The following GRM8 variants were observed in gnomAD, a reference collection of about 807,000 sequenced individuals.
GRM8 encodes glutamate metabotropic receptor 8, also known as metabotropic glutamate receptor 8.
Under a neutral mutation model 87.2 loss-of-function variants are expected in GRM8, and 47 were observed. The ratio of observed to expected loss-of-function variants is 0.54; its 90% confidence interval spans 0.43 to 0.69. GRM8 has a LOEUF of 0.69. Ranked by LOEUF, GRM8 falls within the 30% of genes least tolerant of loss-of-function variation. The probability of loss-of-function intolerance (pLI) is 0.00; values close to 1 mark genes in which losing one functional copy is unlikely to be tolerated. For missense variants in GRM8, 1,019 were observed against 1,139.2 expected (o/e 0.89, Z 1.52); for synonymous variants, 396 against 404.5 (o/e 0.98, Z 0.25).
chr7:126,618,152 C>A (rs1799725540), intron 7 of GRM8, among the ~76,000 whole-genome samples: 1 of 152,150 alleles, frequency 6.6e-6, no homozygotes, highest in Non-Finnish European at 1.5e-5. Context: ...GTAACCAAAA[C>A]AGCATGGTAC....
chr7:126,525,056 A>T (rs1253186809), intron 9 of GRM8, among the ~76,000 whole-genome samples: 4 of 152,040 alleles, frequency 2.6e-5, no homozygotes, highest in Non-Finnish European at 5.9e-5. Context: ...TAATCCTGCC[A>T]TCCTTAGCTG....
chr7:127,221,837 T>C (rs775273472), intron 2 of GRM8, among the ~76,000 whole-genome samples: 4 of 152,054 alleles, frequency 2.6e-5, no homozygotes, highest in Non-Finnish European at 5.9e-5. Flanking sequence ...GAATATCCCT[T>C]GTCCCTTCCA....
intron 3 of GRM8, chr7:127,058,292 A>T: frequency 2.7e-6 from 1 of 365,480 alleles, no homozygotes; most frequent in Non-Finnish European, 5.2e-6. Flanking sequence ...TTGGTAGGCG[A>T]GAACAGCAAC....
chr7:126,935,262 T>C (rs533466218), intron 3 of GRM8, among the ~76,000 whole-genome samples: 1 of 130,632 alleles, frequency 7.7e-6, no homozygotes, highest in South Asian at 2.4e-4. Context: ...GGGCTTTAGG[T>C]TGAAGAGGGA....
intron 7 of GRM8, among the ~76,000 whole-genome samples, chr7:126,661,903 T>C (rs565256621): frequency 0.076 from 1,188 of 15,558 alleles, 21 homozygotes; most frequent in African/African-American, 0.35. Flanking sequence ...TCACAGTGGC[T>C]TCACAAGTGG....
chr7:126,950,098 A>T (rs1329259689), intron 3 of GRM8, among the ~76,000 whole-genome samples: 1 of 152,204 alleles, frequency 6.6e-6, no homozygotes, highest in African/African-American at 2.4e-5. Flanking sequence ...AAGTACTTGG[A>T]AAACACTGCA....
intron 9 of GRM8, among the ~76,000 whole-genome samples, chr7:126,451,632 A>G (rs1453372224): frequency 1.3e-5 from 2 of 151,740 alleles, no homozygotes; most frequent in Non-Finnish European, 2.9e-5. Context: ...CATTGATTGT[A>G]TCTTGACAAT....
At chr7:127,095,388 G>T (rs1184571031) in intron 3 of GRM8, among the ~76,000 whole-genome samples, 1 of 152,178 alleles carries the variant, frequency 6.6e-6, no homozygotes, top group East Asian at 1.9e-4. Context: ...GTGATGCTGG[G>T]TAGGGGTGAT....
At chr7:126,673,779 A>C (rs1185012372) in intron 7 of GRM8, among the ~76,000 whole-genome samples, 1 of 152,168 alleles carries the variant, frequency 6.6e-6, no homozygotes, top group African/African-American at 2.4e-5. Flanking sequence ...GCATGTATTA[A>C]ATATAAAAGT....
intron 2 of GRM8, among the ~76,000 whole-genome samples, chr7:127,152,207 G>A (rs1329402414): frequency 1.3e-5 from 2 of 152,052 alleles, no homozygotes; most frequent in Admixed American, 6.6e-5. Context: ...ATCACTTAGT[G>A]AGTAAACTTG....
chr7:127,232,206 TGTGTGTGAGA>T (rs1797728939), intron 2 of GRM8, among the ~76,000 whole-genome samples: 1 of 147,110 alleles, frequency 6.8e-6, no homozygotes, highest in Non-Finnish European at 1.5e-5. Flanking sequence ...TGTGTGTGTG[TGTGTGTGAGA>T]GAGAGAGAGA....
chr7:126,469,230 C>T (rs1245760143), intron 9 of GRM8, among the ~76,000 whole-genome samples: 1 of 152,132 alleles, frequency 6.6e-6, no homozygotes, highest in Non-Finnish European at 1.5e-5. Flanking sequence ...GATTCTCTAA[C>T]AAATATTTTA....
At chr7:126,990,487 G>A (rs1370853784) in intron 3 of GRM8, among the ~76,000 whole-genome samples, 1 of 152,214 alleles carries the variant, frequency 6.6e-6, no homozygotes, top group East Asian at 1.9e-4. Context: ...TGGTGGAACA[G>A]AGGATTAAAC....
At chr7:126,808,811 C>A (rs906500685) in intron 6 of GRM8, among the ~76,000 whole-genome samples, 1 of 152,198 alleles carries the variant, frequency 6.6e-6, no homozygotes, top group African/African-American at 2.4e-5. Flanking sequence ...TATTCATTAT[C>A]AAATTGTGTC....
At chr7:127,144,964 A>C (rs952353575) in intron 2 of GRM8, among the ~76,000 whole-genome samples, 1 of 152,108 alleles carries the variant, frequency 6.6e-6, no homozygotes, top group Non-Finnish European at 1.5e-5. Flanking sequence ...TGTTTCTTTA[A>C]TATATGCATC....
chr7:126,673,667 G>A (rs567808175), intron 7 of GRM8, among the ~76,000 whole-genome samples: 10 of 152,256 alleles, frequency 6.6e-5, no homozygotes, highest in African/African-American at 1.2e-4. Flanking sequence ...TATCAAATTC[G>A]TCATGGTAGA....
At chr7:126,663,352 C>A (rs892006945) in intron 7 of GRM8, among the ~76,000 whole-genome samples, 5 of 152,174 alleles carry the variant, frequency 3.3e-5, no homozygotes, top group Non-Finnish European at 5.9e-5. Flanking sequence ...AAGAAAACTA[C>A]AGGCCAATAT....
intron 6 of GRM8, among the ~76,000 whole-genome samples, chr7:126,878,562 C>A (rs1201624035): frequency 6.8e-6 from 1 of 147,112 alleles, no homozygotes; most frequent in Non-Finnish European, 1.5e-5. Context: ...CTCTGTCGCA[C>A]AGGCTGGAGT....
intron 10 of GRM8, among the ~76,000 whole-genome samples, chr7:126,443,767 T>C (rs950972330): frequency 3.9e-5 from 6 of 152,032 alleles, no homozygotes; most frequent in African/African-American, 1.4e-4. Flanking sequence ...CTTTCATTCT[T>C]ATTTTAGAGA....
Sources: allele counts gnomAD v4.1 joint callset (sites outside exome capture counted in the v4.1 genomes callset), GRCh38; gene constraint gnomAD v4.1.1; transcripts MANE v1.5; gene names NCBI Gene and HGNC (gene_info 2026-07-23, HGNC 2026-07-21).